DIS3L2: variants seen among roughly 807,000 people sequenced by gnomAD.
DIS3L2 encodes DIS3 like 3'-5' exoribonuclease 2, also known as DIS3-like exonuclease 2.
In DIS3L2, 34 loss-of-function variants were observed where a neutral mutation model predicts 97.5. The observed-to-expected ratio is 0.35, with a 90% CI of 0.27 to 0.46. DIS3L2 has a LOEUF of 0.46. Ranked by LOEUF, DIS3L2 falls within the 20% of genes least tolerant of loss-of-function variation. The probability of loss-of-function intolerance (pLI) is 1.00; values close to 1 mark genes in which losing one functional copy is unlikely to be tolerated. For synonymous variants in DIS3L2, 435 were observed against 445.2 expected, an observed-to-expected ratio of 0.98 and a Z score of 0.29; for missense variants, 1,038 against 1,146.0, an observed-to-expected ratio of 0.91 and a Z score of 1.36.
intron 5 of DIS3L2, among the ~76,000 whole-genome samples, chr2:232,032,153 A>G (rs1295743218): frequency 1.3e-5 from 2 of 152,146 alleles, no homozygotes; most frequent in African/African-American, 4.8e-5. Context: ...CTATTTCTCC[A>G]TATCCTCTCC....
chr2:232,111,740 C>T (rs1278661204), intron 6 of DIS3L2, among the ~76,000 whole-genome samples: 2 of 152,182 alleles, frequency 1.3e-5, no homozygotes, highest in Non-Finnish European at 2.9e-5. Flanking sequence ...AGCCCATGAC[C>T]TAAGCAGTCC....
At chr2:232,083,669 A>G (rs545609236) in intron 5 of DIS3L2, among the ~76,000 whole-genome samples, 22 of 151,908 alleles carry the variant, frequency 1.4e-4, no homozygotes, top group Non-Finnish European at 2.5e-4. Context: ...TAATTTTTGT[A>G]TTTTTAGTAG....
intron 9 of DIS3L2, among the ~76,000 whole-genome samples, chr2:232,207,225 A>C (rs539630377): frequency 6.6e-6 from 1 of 152,318 alleles, no homozygotes; most frequent in African/African-American, 2.4e-5. Flanking sequence ...CTCAGTGTAT[A>C]TAAAACATTT....
At chr2:232,077,550 T>A (rs1456196473) in intron 5 of DIS3L2, among the ~76,000 whole-genome samples, 1 of 152,178 alleles carries the variant, frequency 6.6e-6, no homozygotes, top group Admixed American at 6.5e-5. Flanking sequence ...ATCAGCAGGG[T>A]TTTATGTGAT....
chr2:232,274,870 A>T (rs1694099921), intron 13 of DIS3L2, among the ~76,000 whole-genome samples: 1 of 152,244 alleles, frequency 6.6e-6, no homozygotes, highest in South Asian at 2.1e-4. Flanking sequence ...GCAGTCTTTT[A>T]CGTTGACTTG....
chr2:232,172,692 G>C (rs1329550627), intron 9 of DIS3L2: 2 of 534,440 alleles, frequency 3.7e-6, no homozygotes, highest in Admixed American at 1.9e-5. Context: ...TACTTTTAGA[G>C]TAATTGTGAA....
intron 10 of DIS3L2, among the ~76,000 whole-genome samples, chr2:232,228,657 C>T (rs1692711207): frequency 6.6e-6 from 1 of 152,162 alleles, no homozygotes; most frequent in Non-Finnish European, 1.5e-5. Flanking sequence ...GCCTCCTGCT[C>T]AGGCTGGCCA....
chr2:232,131,902 A>G (rs1174133762), intron 7 of DIS3L2: 2 of 128,936 alleles, frequency 1.6e-5, no homozygotes, highest in Non-Finnish European at 3.1e-5. Flanking sequence ...ATTTTGTTTG[A>G]CCTGTGCAGT....
rs368431753 is a variant in DIS3L2 at position 232,195,237 on chromosome 2, TG to T, written c.1125-15088del. Among the ~76,000 whole-genome samples the T allele has an allele frequency of 3.3e-5, 5 of 152,330 alleles. No homozygotes were observed. The South Asian group carries it at 1.0e-3, about 32-fold the overall frequency. ...ATTATCCTGAAATACAGCTGAAATT[TG>T]TTTTGTTTTGTTTTTGAGACACTGT... On this transcript the variant is annotated intron_variant, in intron 9 of 20. Coordinates refer to ENST00000325385, the MANE Select transcript of DIS3L2 (RefSeq NM_152383.5).
chr2:232,250,974 ACAAT>A (rs1265399849), intron 12 of DIS3L2, among the ~76,000 whole-genome samples: 7 of 152,336 alleles, frequency 4.6e-5, no homozygotes, highest in African/African-American at 1.7e-4. Flanking sequence ...CTTCACCCGC[ACAAT>A]CAGAGCTTTT....
intron 11 of DIS3L2, among the ~76,000 whole-genome samples, chr2:232,238,899 C>G (rs1693006900): frequency 6.6e-6 from 1 of 152,196 alleles, no homozygotes; most frequent in African/African-American, 2.4e-5. Context: ...AAACTCAGCC[C>G]ACACTAGCGA....
At chr2:232,221,967 G>A (rs887126905) in intron 10 of DIS3L2, among the ~76,000 whole-genome samples, 3 of 151,502 alleles carry the variant, frequency 2.0e-5, no homozygotes, top group African/African-American at 7.3e-5. Flanking sequence ...TTTTGAGATG[G>A]AGTCTTGCTC....
intron 8 of DIS3L2, among the ~76,000 whole-genome samples, chr2:232,146,118 T>G (rs56065856): frequency 0.012 from 1,896 of 152,230 alleles, 21 homozygotes; most frequent in Non-Finnish European, 0.018. Flanking sequence ...TAGTTCAACA[T>G]GGAAGTTATA....
intron 10 of DIS3L2, among the ~76,000 whole-genome samples, chr2:232,215,775 G>C (rs1692315691): frequency 6.6e-6 from 1 of 152,224 alleles, no homozygotes; most frequent in Non-Finnish European, 1.5e-5. Context: ...AAACCTGAGG[G>C]ATAGGATGGG....
chr2:232,217,012 T>A (rs1213167915), intron 10 of DIS3L2, among the ~76,000 whole-genome samples: 1 of 152,120 alleles, frequency 6.6e-6, no homozygotes, highest in Non-Finnish European at 1.5e-5. Context: ...CCGGCTAATT[T>A]TTGTATTTTT....
intron 14 of DIS3L2, 28 bp from the exon 15 acceptor site, chr2:232,329,785 T>TCCCCGGGGGGGCCCCCCCCC: frequency 8.3e-6 from 8 of 967,132 alleles, no homozygotes; most frequent in East Asian, 3.1e-5. Flanking sequence ...ACCCCAGCGG[T>TCCCCGGGGGGGCCCCCCCCC]CCCTCCCATC....
At chr2:231,975,441 G>T (rs1055877012) in intron 1 of DIS3L2, among the ~76,000 whole-genome samples, 3 of 151,960 alleles carry the variant, frequency 2.0e-5, no homozygotes, top group Admixed American at 2.0e-4. Flanking sequence ...CATGGCTCAC[G>T]CCTGTAATCC....
At chr2:232,261,005 C>T (rs1693698422) in intron 12 of DIS3L2, among the ~76,000 whole-genome samples, 1 of 152,224 alleles carries the variant, frequency 6.6e-6, no homozygotes, top group Non-Finnish European at 1.5e-5. Context: ...AAATGTTCTA[C>T]TCTTGACTGG....
chr2:231,962,437 CTTTT>C (rs752430172), intron 1 of DIS3L2, among the ~76,000 whole-genome samples: 2 of 132,052 alleles, frequency 1.5e-5, no homozygotes. Context: ...CTACCGTTAC[CTTTT>C]TTTTTTTTTT....
Sources: gnomAD v4.1 joint callset for allele counts (sites outside exome capture counted in the v4.1 genomes callset) on GRCh38, gnomAD v4.1.1 for gene constraint, MANE v1.5 for transcripts, NCBI Gene and HGNC (gene_info 2026-07-23, HGNC 2026-07-21) for gene names.